The following TF variants were observed in gnomAD, a reference collection of about 807,000 sequenced individuals.
TF encodes the protein serotransferrin.
A neutral mutation model predicts 82.4 loss-of-function variants in TF; 55 were observed. That is an observed-to-expected ratio of 0.67 (90% CI 0.54 to 0.84). The LOEUF (loss-of-function observed/expected upper bound fraction) is 0.84. Ranked by LOEUF, TF falls within the 40% of genes least tolerant of loss-of-function variation. The pLI is 0.00. For missense variants in TF, 737 were observed against 868.4 expected (o/e 0.85, Z 1.90); for synonymous variants, 332 against 332.6 (o/e 1.00, Z 0.02).
In TF at chr3:133,766,402, G is replaced by T. The variant is rs749551733; in HGVS notation, c.1455G>T (p.Leu485=). The change falls in exon 12 of 17, where the codon CTG becomes CTT. Residue 485 remains leucine, a synonymous_variant. Coordinates refer to ENST00000402696, the MANE Select transcript of TF (RefSeq NM_001063.4). The part of the protein sequence containing the change: ...RTAGWNIPMG[L]LYNKINHCRF... The stretch of plus-strand genomic sequence containing the variant: ...CTGGCTGGAACATCCCCATGGGCCT[G>T]CTCTACAATAAGATCAACCACTGCA... 5 of 1,614,100 alleles carry T rather than the reference G, an allele frequency of 3.1e-6. No homozygotes were observed. Among genetic ancestry groups the T allele is most frequent in the Admixed American group, 1.7e-5 (1 of 60,016 alleles).
rs758892553 is a variant in TF at position 133,756,843 on chromosome 3, A to G, written c.704A>G (p.Asn235Ser). Residue 235 changes from asparagine to serine, a missense_variant, in exon 7 of 17, where the codon AAC (asparagine) becomes AGC (serine). Transcript: ENST00000402696. ...TTTCCCTCCCCAGAGAACTTGGCAA[A>G]CAAGGCTGACAGGGACCAGTATGAG... ...KHSTIFENLA[N>S]KADRDQYELL... 2.5e-6 allele frequency: 4 copies of G among 1,614,190 alleles called. No homozygotes were observed. Among genetic ancestry groups the G allele is most frequent in the Admixed American group, 1.7e-5 (1 of 60,030 alleles).
the TF span, among the ~76,000 whole-genome samples, chr3:133,718,121 G>C: frequency 6.6e-6 from 1 of 152,114 alleles, no homozygotes; most frequent in Middle Eastern, 3.2e-3. Context: ...CTGATGGTGA[G>C]TGAGGATGAT....
At chr3:133,730,341 C>A in the TF span, among the ~76,000 whole-genome samples, 1 of 152,194 alleles carries the variant, frequency 6.6e-6, no homozygotes, top group Non-Finnish European at 1.5e-5. Flanking sequence ...CCTCAGGAAG[C>A]CATAGGCATG....
Position 133,787,368 on chromosome 3 carries a change from G to C in TF, c.*8748G>C, listed in dbSNP as rs1301027622. ...CTGGATTGAAGACAGAGAGAAGGGAGTGAGGAAGGACTGGTTCAAGGTCAA... is the reference window on the plus strand; with the variant it reads ...CTGGATTGAAGACAGAGAGAAGGGACTGAGGAAGGACTGGTTCAAGGTCAA... On this transcript the variant is annotated 3_prime_UTR_variant, in exon 17 of 17. Transcript: ENST00000402696. 2 of 152,304 alleles carry C rather than the reference G, an allele frequency of 1.3e-5. No homozygotes were observed. Among genetic ancestry groups the C allele is most frequent in the African/African-American group, 2.4e-5 (1 of 41,564 alleles). 9.4% of individuals were successfully genotyped at this position (152,304 alleles called of 1,614,324 possible).
chr3:133,680,533 CTT>C, the TF span, among the ~76,000 whole-genome samples: 12 of 145,196 alleles, frequency 8.3e-5, no homozygotes, highest in Non-Finnish European at 1.4e-4. Flanking sequence ...CTTTTCTTTT[CTT>C]TTTTTTTTTT....
chr3:133,669,284 A>G, the TF span, among the ~76,000 whole-genome samples: 47 of 152,168 alleles, frequency 3.1e-4, 1 homozygote, highest in Admixed American at 7.8e-4. Flanking sequence ...TTGCAAGCAT[A>G]AGCCACCGTG....
the TF span, among the ~76,000 whole-genome samples, chr3:133,691,128 T>C: frequency 2.0e-5 from 3 of 152,168 alleles, no homozygotes; most frequent in East Asian, 5.8e-4. Context: ...GCTTTAAATG[T>C]CAGTCAATAA....
chr3:133,745,424 A>C (rs1004726263), upstream of TF, among the ~76,000 whole-genome samples: 2 of 152,236 alleles, frequency 1.3e-5, no homozygotes, highest in African/African-American at 4.8e-5. Flanking sequence ...AATGAGTTTC[A>C]TCTTTAGCTC....
At chr3:133,687,379 C>T in the TF span, among the ~76,000 whole-genome samples, 1 of 152,000 alleles carries the variant, frequency 6.6e-6, no homozygotes, top group Non-Finnish European at 1.5e-5. Flanking sequence ...ATCACTAGGC[C>T]CTACCTACGA....
intron 2 of TF, among the ~76,000 whole-genome samples, chr3:133,749,455 G>C (rs2107908424): frequency 6.6e-6 from 1 of 152,330 alleles, no homozygotes; most frequent in East Asian, 1.9e-4. Flanking sequence ...CTAGTCAGGA[G>C]AGCAGAAAAA....
At chr3:133,724,308 C>T in the TF span, among the ~76,000 whole-genome samples, 32 of 152,320 alleles carry the variant, frequency 2.1e-4, no homozygotes, top group East Asian at 4.1e-3. Context: ...CACATCCTCT[C>T]CAGCACCTGT....
At chr3:133,669,064 G>A in the TF span, among the ~76,000 whole-genome samples, 2 of 151,832 alleles carry the variant, frequency 1.3e-5, no homozygotes, top group Non-Finnish European at 2.9e-5. Flanking sequence ...GCAATGGCGC[G>A]ATCTCAGTTC....
chr3:133,751,280 T>G lies in TF; in HGVS notation c.217-2315T>G, dbSNP rs1043810072. On this transcript the variant is annotated intron_variant, in intron 2 of 16. Coordinates refer to ENST00000402696, the MANE Select transcript of TF (RefSeq NM_001063.4). ...CGGAGTTTCGCTCTGTCGCCCAGGC[T>G]GGAGTGCAGTGGCGCGATCTCGACT... Among the ~76,000 whole-genome samples the G allele has an allele frequency of 1.1e-4, 16 of 145,332 alleles. No individual in the cohort carries two copies. The South Asian group carries it at 3.6e-3, about 32-fold the overall frequency.
At chr3:133,771,625 T>C (rs1402258304) in intron 14 of TF, among the ~76,000 whole-genome samples, 1 of 150,888 alleles carries the variant, frequency 6.6e-6, no homozygotes, top group African/African-American at 2.5e-5. Context: ...TAGTCCCAGC[T>C]ACTCGGGAGG....
At chr3:133,684,713 T>C in the TF span, among the ~76,000 whole-genome samples, 8 of 152,168 alleles carry the variant, frequency 5.3e-5, no homozygotes, top group East Asian at 1.3e-3. Context: ...CAATAATTAA[T>C]AGCCTACCAA....
Position 133,789,053 on chromosome 3 carries a change from G to A in TF, c.*10433G>A, listed in dbSNP as rs1334023737. The A allele has an allele frequency of 6.6e-6, 1 of 152,284 alleles. No individual in the cohort carries two copies. Among genetic ancestry groups the A allele is most frequent in the Non-Finnish European group, 1.5e-5 (1 of 68,080 alleles). 9.4% of individuals were successfully genotyped at this position (152,284 alleles called of 1,614,324 possible). ...GGAAAATATGCAAAGCGGCACTGGT[G>A]CCCACGTAAGGTCAGAGATGCCTGA... On this transcript the variant is annotated 3_prime_UTR_variant, in exon 17 of 17. Coordinates refer to ENST00000402696, the MANE Select transcript of TF (RefSeq NM_001063.4).
At chr3:133,756,127 T>C (rs569198299) in intron 5 of TF, among the ~76,000 whole-genome samples, 155 bp from the exon 6 acceptor site, 2 of 152,270 alleles carry the variant, frequency 1.3e-5, no homozygotes, top group South Asian at 2.1e-4. Flanking sequence ...ATCTCAGCAC[T>C]ACGCTGGAGG....
chr3:133,691,433 T>C, the TF span, among the ~76,000 whole-genome samples: 12 of 152,228 alleles, frequency 7.9e-5, no homozygotes, highest in African/African-American at 2.7e-4. Flanking sequence ...TCCACCTTCA[T>C]GGAGCTTACA....
rs369862318 is a variant in TF, at chr3:133,777,087, C to A, written c.1911C>A (p.Asn637Lys). The A allele has an allele frequency of 1.1e-5, 18 of 1,614,064 alleles. No individual in the cohort carries two copies. Among genetic ancestry groups the A allele is most frequent in the Non-Finnish European group, 1.4e-5 (17 of 1,180,040 alleles). ...GCAACGTAACTGACTGCTCGGGCAA[C>A]TTTTGTTTGTTCCGGTCGGAAACCA... ...FGSNVTDCSG[N>K]FCLFRSETKD... Residue 637 changes from asparagine to lysine, a missense_variant, in exon 16 of 17, where the codon AAC becomes AAA. Transcript: ENST00000402696.
Sources: allele counts gnomAD v4.1 joint callset (sites outside exome capture counted in the v4.1 genomes callset), GRCh38; gene constraint gnomAD v4.1.1; transcripts MANE v1.5; gene names NCBI Gene and HGNC (gene_info 2026-07-23, HGNC 2026-07-21).